RBFOX3: variants seen among roughly 807,000 people sequenced by gnomAD.
The protein encoded by RBFOX3 is RNA binding fox-1 homolog 3, also known as RNA binding protein fox-1 homolog 3.
In RBFOX3, 17 loss-of-function variants were observed where a neutral mutation model predicts 48.7. The ratio of observed to expected loss-of-function variants is 0.35; its 90% CI spans 0.24 to 0.52. RBFOX3 has a LOEUF of 0.52. Ranked by LOEUF, RBFOX3 falls within the 20% of genes least tolerant of loss-of-function variation. The pLI, the probability that RBFOX3 is intolerant of heterozygous loss-of-function variation, is 0.94. For synonymous variants in RBFOX3, 212 were observed against 209.5 expected (o/e 1.01, Z -0.10); for missense variants, 382 against 497.5 (o/e 0.77, Z 2.21).
chr17:79,531,174 C>T lies in RBFOX3; in HGVS notation c.-319-48576G>A, dbSNP rs2087714534. Among the ~76,000 whole-genome samples the T allele has an allele frequency of 2.6e-5, 4 of 152,370 alleles. No homozygotes were observed. The South Asian group carries it at 8.3e-4, about 32-fold the overall frequency. ...GCTACACGGAAAAGCCCCATTGTCA[C>T]TCCCAAGCCCCCAGACCCCACTTCT... On this transcript the variant is annotated intron_variant, in intron 1 of 14. Transcript: ENST00000693108.
At chr17:79,241,682 A>G (rs2062402102) in intron 3 of RBFOX3, among the ~76,000 whole-genome samples, 3 of 152,246 alleles carry the variant, frequency 2.0e-5, no homozygotes, top group African/African-American at 4.8e-5. Flanking sequence ...GCCGGCTTAA[A>G]CAACAGAAAT....
chr17:79,537,736 G>C (rs1334012100), intron 1 of RBFOX3, among the ~76,000 whole-genome samples: 1 of 152,176 alleles, frequency 6.6e-6, no homozygotes, highest in Non-Finnish European at 1.5e-5. Context: ...AAGGCTCCCA[G>C]CTCCAATTAT....
intron 2 of RBFOX3, among the ~76,000 whole-genome samples, chr17:79,431,174 G>A (rs1481595272): frequency 2.0e-5 from 3 of 152,204 alleles, no homozygotes; most frequent in Non-Finnish European, 4.4e-5. Context: ...ACACGAAGGT[G>A]TGAAATGGAA....
intron 1 of RBFOX3, among the ~76,000 whole-genome samples, chr17:79,542,227 G>T (rs192860411): frequency 1.3e-5 from 2 of 152,116 alleles, no homozygotes; most frequent in Non-Finnish European, 2.9e-5. Flanking sequence ...GGGCAGACTC[G>T]AATTCAGACA....
At chr17:79,563,593 C>T (rs1414023656) in intron 1 of RBFOX3, among the ~76,000 whole-genome samples, 6 of 152,204 alleles carry the variant, frequency 3.9e-5, no homozygotes, top group Non-Finnish European at 8.8e-5. Context: ...AGAGGTGTTA[C>T]GTTGTTGACA....
intron 2 of RBFOX3, among the ~76,000 whole-genome samples, chr17:79,437,043 A>G (rs2069628093): frequency 6.6e-6 from 1 of 152,080 alleles, no homozygotes; most frequent in Non-Finnish European, 1.5e-5. Flanking sequence ...AATTTCAATC[A>G]GCCTACAGGC....
At chr17:79,591,204 C>A (rs1375508356) in intron 1 of RBFOX3, among the ~76,000 whole-genome samples, 3 of 152,136 alleles carry the variant, frequency 2.0e-5, no homozygotes, top group Non-Finnish European at 4.4e-5. Flanking sequence ...CACGTGGTCC[C>A]GGGGGTCGGC....
chr17:79,434,121 C>T (rs1410066898), intron 2 of RBFOX3, among the ~76,000 whole-genome samples: 11 of 152,262 alleles, frequency 7.2e-5, no homozygotes, highest in Middle Eastern at 3.4e-3. Context: ...TGAAGAACAT[C>T]GCACTAAGCA....
rs1396694485 is a variant in RBFOX3 at position 79,243,541 on chromosome 17, T to C, written c.-73-7736A>G. Among the ~76,000 whole-genome samples the C allele has an allele frequency of 6.6e-6, 1 of 152,042 alleles. No individual in the cohort carries two copies. Among genetic ancestry groups the C allele is most frequent in the East Asian group, 1.9e-4 (1 of 5,176 alleles). The stretch of plus-strand genomic sequence containing the variant: ...ACAGTCAATTGCTTGGGTGATATAT[T>C]AGAGGTTCTGTCTGGTGGGATGAGG... On this transcript the variant is annotated intron_variant, in intron 3 of 14. Coordinates refer to ENST00000693108, the MANE Select transcript of RBFOX3 (RefSeq NM_001350451.2). This position sits in a 1 kb window ranked among gnomAD's most constrained non-coding sequence, Gnocchi z 7.9.
Position 79,477,296 on chromosome 17 carries a change from C to T in RBFOX3, c.-175+5158G>A, listed in dbSNP as rs1290634094. On this transcript the variant is annotated intron_variant, in intron 2 of 14. Coordinates refer to ENST00000693108, the MANE Select transcript of RBFOX3 (RefSeq NM_001350451.2). The surrounding 1 kb of genome is among the most constrained non-coding windows in gnomAD (Gnocchi z 4.8). ...AAAAAAGAGGGCGCGGTGGCTCACA[C>T]CTGTAATCCCAGCACTTTGGGAGGC... Among the ~76,000 whole-genome samples the T allele has an allele frequency of 1.4e-4, 21 of 147,776 alleles. No homozygotes were observed. The East Asian group carries it at 4.1e-3, about 29-fold the overall frequency.
the RBFOX3 span, among the ~76,000 whole-genome samples, chr17:79,656,617 G>T: frequency 9.5e-6 from 1 of 104,862 alleles, no homozygotes; most frequent in African/African-American, 4.5e-5. Flanking sequence ...AGAAAGGAAA[G>T]AAAGGAAGAG....
chr17:79,226,980 C>G (rs543401356), intron 4 of RBFOX3, among the ~76,000 whole-genome samples: 1 of 152,308 alleles, frequency 6.6e-6, no homozygotes, highest in Admixed American at 6.5e-5. Flanking sequence ...GCAGGGACCT[C>G]TCACTCTGGC....
intron 4 of RBFOX3, among the ~76,000 whole-genome samples, chr17:79,213,415 C>T (rs941491487): frequency 6.6e-6 from 1 of 152,226 alleles, no homozygotes; most frequent in Non-Finnish European, 1.5e-5. Flanking sequence ...CCAAAATATG[C>T]ACCCGCAACT....
At chr17:79,101,525 C>A in intron 9 of RBFOX3, 59 bp downstream of exon 9, 1 of 1,449,412 alleles carries the variant, frequency 6.9e-7, no homozygotes, top group Non-Finnish European at 9.5e-7. Flanking sequence ...TCAGCTCCCC[C>A]AGGGCCTCTG....
At chr17:79,341,663 G>A (rs1368330795) in intron 2 of RBFOX3, among the ~76,000 whole-genome samples, 4 of 152,184 alleles carry the variant, frequency 2.6e-5, no homozygotes, top group African/African-American at 4.8e-5. Flanking sequence ...ACCTGGAGAA[G>A]CAGTCACTGC....
intron 4 of RBFOX3, among the ~76,000 whole-genome samples, chr17:79,176,125 G>A (rs553557157): frequency 1.3e-5 from 2 of 152,328 alleles, no homozygotes; most frequent in African/African-American, 2.4e-5. Context: ...ATTTGCGGAA[G>A]GGGGTCCTCT....
chr17:79,603,383 T>C (rs1217086118), intron 1 of RBFOX3, among the ~76,000 whole-genome samples: 1 of 152,170 alleles, frequency 6.6e-6, no homozygotes, highest in African/African-American at 2.4e-5. Context: ...GCAGGAGCCC[T>C]GTTATCCCCT....
intron 1 of RBFOX3, among the ~76,000 whole-genome samples, chr17:79,509,397 G>A (rs2083735006): frequency 1.3e-5 from 2 of 152,094 alleles, no homozygotes; most frequent in East Asian, 1.9e-4. Flanking sequence ...CAAAGCCAGG[G>A]GCCCAGGCTC....
chr17:79,240,238 CAT>C (rs1284877359), intron 3 of RBFOX3, among the ~76,000 whole-genome samples: 2 of 152,218 alleles, frequency 1.3e-5, no homozygotes, highest in African/African-American at 2.4e-5. Flanking sequence ...ATGAAAAGCA[CAT>C]GTGTTCCTTA....
Sources: gnomAD v4.1 joint callset for allele counts (sites outside exome capture counted in the v4.1 genomes callset) on GRCh38, gnomAD v4.1.1 for gene constraint, Gnocchi (gnomAD v3.1) non-coding constraint, MANE v1.5 for transcripts, NCBI Gene and HGNC (gene_info 2026-07-23, HGNC 2026-07-21) for gene names.